The following FOXP2 variants were observed in gnomAD, a reference collection of about 807,000 sequenced individuals.
The protein encoded by FOXP2 is forkhead box P2.
FOXP2 carries 12 observed loss-of-function variants against 115.8 expected under a neutral mutation model. That is an observed-to-expected ratio of 0.10 (90% CI 0.07 to 0.17). FOXP2 has a LOEUF of 0.17. Ranked by LOEUF, FOXP2 falls within the 10% of genes least tolerant of loss-of-function variation. The pLI is 1.00. For synonymous variants in FOXP2, 328 were observed against 297.7 expected, an observed-to-expected ratio of 1.10 and a Z score of -1.05; for missense variants, 629 against 843.5, an observed-to-expected ratio of 0.75 and a Z score of 3.15.
At chr7:114,368,061 G>A (rs570543560) in intron 2 of FOXP2, among the ~76,000 whole-genome samples, 1 of 152,050 alleles carries the variant, frequency 6.6e-6, no homozygotes, top group Non-Finnish European at 1.5e-5. Flanking sequence ...TAAAACAGCT[G>A]TCTGATTTTA....
At chr7:114,161,772 T>C (rs1792841969), upstream of FOXP2, among the ~76,000 whole-genome samples, 1 of 152,120 alleles carries the variant, frequency 6.6e-6, no homozygotes, top group Non-Finnish European at 1.5e-5. Context: ...ATGGCACATG[T>C]TGAAGACATT....
At chr7:114,440,219 T>G (rs1304883608) in intron 2 of FOXP2, among the ~76,000 whole-genome samples, 1 of 152,198 alleles carries the variant, frequency 6.6e-6, no homozygotes, top group Non-Finnish European at 1.5e-5. Context: ...CTTCTGACAC[T>G]AAATCCTATA....
At chr7:114,555,248 A>T (rs1270502383) in intron 3 of FOXP2, among the ~76,000 whole-genome samples, 1 of 152,182 alleles carries the variant, frequency 6.6e-6, no homozygotes, top group Non-Finnish European at 1.5e-5. Context: ...GTTAAATTAC[A>T]TTATCTACAG....
chr7:114,515,457 T>C (rs1798287337), intron 2 of FOXP2, among the ~76,000 whole-genome samples: 1 of 152,122 alleles, frequency 6.6e-6, no homozygotes, highest in Non-Finnish European at 1.5e-5. Context: ...TTTGCATTTC[T>C]CTGATGGCCA....
At chr7:114,397,444 G>T (rs1004291553) in intron 2 of FOXP2, among the ~76,000 whole-genome samples, 3 of 151,976 alleles carry the variant, frequency 2.0e-5, no homozygotes, top group African/African-American at 7.2e-5. Context: ...AGAGAAAACG[G>T]GATAATATAA....
intron 8 of FOXP2, among the ~76,000 whole-genome samples, chr7:114,648,594 A>T (rs1335374051): frequency 6.6e-6 from 1 of 152,102 alleles, no homozygotes; most frequent in Non-Finnish European, 1.5e-5. Flanking sequence ...AACCTTCATT[A>T]AAGAGAATTA....
At chr7:114,151,236 TAAAC>T (rs1351314815) in intron 1 of FOXP2, among the ~76,000 whole-genome samples, 1 of 151,936 alleles carries the variant, frequency 6.6e-6, no homozygotes, top group Non-Finnish European at 1.5e-5. Flanking sequence ...AAATCATAAT[TAAAC>T]AAACAAAGGA....
intron 3 of FOXP2, among the ~76,000 whole-genome samples, chr7:114,548,864 T>C (rs545592469): frequency 4.9e-4 from 75 of 152,266 alleles, no homozygotes; most frequent in African/African-American, 1.8e-3. Context: ...GAGAAGCAAA[T>C]GTTTTTTGAA....
At chr7:114,103,159 T>C (rs1791030572) in intron 1 of FOXP2, among the ~76,000 whole-genome samples, 1 of 152,040 alleles carries the variant, frequency 6.6e-6, no homozygotes, top group African/African-American at 2.4e-5. Flanking sequence ...GAAACAGCAT[T>C]GGCAGCATTA....
intron 8 of FOXP2, among the ~76,000 whole-genome samples, chr7:114,649,190 T>TA (rs1806092585): frequency 1.3e-5 from 2 of 152,014 alleles, no homozygotes; most frequent in South Asian, 4.1e-4. Flanking sequence ...TACCAATAAG[T>TA]AAAAAAAGAA....
chr7:114,448,691 A>G (rs1794940359), intron 2 of FOXP2, among the ~76,000 whole-genome samples: 1 of 152,160 alleles, frequency 6.6e-6, no homozygotes, highest in Admixed American at 6.6e-5. Context: ...AAGCAGCTTT[A>G]CACACAGTGC....
intron 2 of FOXP2, among the ~76,000 whole-genome samples, chr7:114,507,549 C>T (rs773442727): frequency 6.6e-6 from 1 of 151,510 alleles, no homozygotes; most frequent in African/African-American, 2.4e-5. Flanking sequence ...TTAATTTTTT[C>T]GCAAAAAAAT....
At chr7:114,562,458 G>C (rs1800800324) in intron 3 of FOXP2, among the ~76,000 whole-genome samples, 3 of 151,952 alleles carry the variant, frequency 2.0e-5, no homozygotes, top group African/African-American at 7.2e-5. Context: ...AAATTTAGAG[G>C]CCACCAGGCA....
At chr7:114,345,465 A>C (rs750254604) in intron 2 of FOXP2, among the ~76,000 whole-genome samples, 1 of 151,828 alleles carries the variant, frequency 6.6e-6, no homozygotes, top group Admixed American at 6.6e-5. Flanking sequence ...GTAGTGGTTA[A>C]CAGTTGTTTT....
At chr7:114,186,146 T>C (rs1793599773) in intron 1 of FOXP2, among the ~76,000 whole-genome samples, 1 of 152,150 alleles carries the variant, frequency 6.6e-6, no homozygotes, top group Admixed American at 6.5e-5. Context: ...GGACGGGACG[T>C]ATGTTCAAAC....
intron 2 of FOXP2, among the ~76,000 whole-genome samples, chr7:114,323,814 C>T (rs116653844): frequency 0.011 from 1,713 of 152,012 alleles, 36 homozygotes; most frequent in African/African-American, 0.038. Flanking sequence ...TTGTCTTTAG[C>T]ATTTTATTGT....
intron 2 of FOXP2, among the ~76,000 whole-genome samples, chr7:114,366,818 G>A (rs914553308): frequency 2.0e-5 from 3 of 151,908 alleles, no homozygotes; most frequent in Admixed American, 6.6e-5. Context: ...TATGTTATAC[G>A]TATTATTACC....
chr7:114,093,688 G>A (rs1032241437), intron 1 of FOXP2, among the ~76,000 whole-genome samples: 3 of 150,762 alleles, frequency 2.0e-5, no homozygotes, highest in Non-Finnish European at 3.0e-5. Context: ...AACACTGTTC[G>A]TTACTGGCAA....
At chr7:114,502,830 A>G (rs1797628560) in intron 2 of FOXP2, among the ~76,000 whole-genome samples, 1 of 151,984 alleles carries the variant, frequency 6.6e-6, no homozygotes, top group South Asian at 2.1e-4. Context: ...GTTAATATAA[A>G]TTTTCATCAG....
Sources: gnomAD v4.1 joint callset for allele counts (sites outside exome capture counted in the v4.1 genomes callset) on GRCh38, gnomAD v4.1.1 for gene constraint, MANE v1.5 for transcripts, NCBI Gene and HGNC (gene_info 2026-07-23, HGNC 2026-07-21) for gene names.